Variants in EYS observed in about 807,000 individuals in gnomAD.
EYS encodes the protein EGF-like photoreceptor maintenance factor.
A neutral mutation model predicts 282.1 loss-of-function variants in EYS; 250 were observed. That is an observed-to-expected ratio of 0.89 (90% confidence interval 0.80 to 0.98). The LOEUF is 0.98. Among genes scored for constraint, EYS ranks in the 50% least tolerant of loss-of-function variants. The probability of loss-of-function intolerance (pLI) is 0.00; values close to 1 mark genes in which losing one functional copy is unlikely to be tolerated. For synonymous variants in EYS, 1,355 were observed against 1,282.9 expected (o/e 1.06, Z -1.20); for missense variants, 4,016 against 3,709.0 (o/e 1.08, Z -2.15).
chr6:65,408,767 G>A (rs575973801), intron 5 of EYS, among the ~76,000 whole-genome samples: 4 of 151,916 alleles, frequency 2.6e-5, no homozygotes, highest in African/African-American at 9.7e-5. Flanking sequence ...ATTTAATGTG[G>A]TTTTTTTCCA....
chr6:63,806,401 A>C (rs555891277), intron 36 of EYS, 29 bp from the exon 37 acceptor site: 1 of 1,499,018 alleles, frequency 6.7e-7, no homozygotes, highest in East Asian at 2.5e-5. Flanking sequence ...CAAACAGTTA[A>C]AATAAACCTG....
At chr6:64,268,874 G>C (rs1345475747) in intron 30 of EYS, among the ~76,000 whole-genome samples, 1 of 152,172 alleles carries the variant, frequency 6.6e-6, no homozygotes, top group Non-Finnish European at 1.5e-5. Flanking sequence ...CTTTGGAAGA[G>C]AGAATTGATA....
chr6:64,498,801 CT>C, intron 26 of EYS, among the ~76,000 whole-genome samples: 1 of 152,172 alleles, frequency 6.6e-6, no homozygotes, highest in Middle Eastern at 3.4e-3. Flanking sequence ...TAAACTCATC[CT>C]TTTTTATGGT....
At chr6:64,783,711 C>T (rs536422298) in intron 22 of EYS, among the ~76,000 whole-genome samples, 10 of 152,138 alleles carry the variant, frequency 6.6e-5, no homozygotes, top group African/African-American at 1.9e-4. Context: ...TTTTAAAATG[C>T]TATAATTTTT....
At chr6:64,818,925 C>T (rs978691870) in intron 21 of EYS, among the ~76,000 whole-genome samples, 6 of 152,182 alleles carry the variant, frequency 3.9e-5, no homozygotes, top group African/African-American at 1.4e-4. Context: ...TCAATATTAA[C>T]CATCACAGCA....
chr6:64,260,379 G>T (rs1474833), intron 30 of EYS, among the ~76,000 whole-genome samples: 2 of 151,828 alleles, frequency 1.3e-5, no homozygotes, highest in Non-Finnish European at 2.9e-5. Flanking sequence ...TCCCACAGGT[G>T]GATTTCATCC....
intron 12 of EYS, among the ~76,000 whole-genome samples, chr6:65,200,926 A>C (rs1274730152): frequency 6.6e-6 from 1 of 152,148 alleles, no homozygotes; most frequent in African/African-American, 2.4e-5. Flanking sequence ...GAGAATAAAA[A>C]TGTATTCTAA....
At chr6:64,815,364 A>T (rs1764716889) in intron 21 of EYS, 1 of 270,034 alleles carries the variant, frequency 3.7e-6, no homozygotes, top group African/African-American at 2.3e-5. Context: ...CTGTTTCTAG[A>T]TATGTATAGA....
At chr6:64,390,442 GCCT>G (rs1382240850) in intron 28 of EYS, among the ~76,000 whole-genome samples, 1 of 151,966 alleles carries the variant, frequency 6.6e-6, no homozygotes, top group Non-Finnish European at 1.5e-5. Flanking sequence ...CGGGCAGACT[GCCT>G]CCTCAAGTGG....
At chr6:64,909,184 A>T (rs1322404725) in intron 16 of EYS, among the ~76,000 whole-genome samples, 1 of 152,196 alleles carries the variant, frequency 6.6e-6, no homozygotes, top group Non-Finnish European at 1.5e-5. Flanking sequence ...TTGACACATC[A>T]TAGGAAATCA....
chr6:63,744,176 C>T (rs1582163471), intron 41 of EYS: 1 of 152,194 alleles, frequency 6.6e-6, no homozygotes, highest in South Asian at 2.1e-4. Context: ...CCATATCTTG[C>T]TTGTGTTCAA....
chr6:65,354,520 GAA>G (rs561201846), intron 8 of EYS, among the ~76,000 whole-genome samples: 1 of 147,686 alleles, frequency 6.8e-6, no homozygotes, highest in African/African-American at 2.5e-5. Context: ...TAAATGTGAG[GAA>G]AAAAAAAAAT....
intron 2 of EYS, among the ~76,000 whole-genome samples, chr6:65,553,166 A>C (rs1582447702): frequency 6.6e-6 from 1 of 152,154 alleles, no homozygotes; most frequent in East Asian, 1.9e-4. Context: ...TTCTATAGTG[A>C]TATCCTCCTA....
At chr6:64,092,705 C>T (rs1412392694) in intron 31 of EYS, among the ~76,000 whole-genome samples, 1 of 151,538 alleles carries the variant, frequency 6.6e-6, no homozygotes, top group East Asian at 1.9e-4. Flanking sequence ...TTGTAGGTTG[C>T]CTGTTCACTC....
chr6:65,179,193 G>A (rs1469739597), intron 12 of EYS, among the ~76,000 whole-genome samples: 2 of 151,754 alleles, frequency 1.3e-5, no homozygotes, highest in African/African-American at 4.8e-5. Flanking sequence ...CTAGCAGAAG[G>A]CAAGAAATAA....
At chr6:65,204,570 C>A (rs1765980807) in intron 12 of EYS, among the ~76,000 whole-genome samples, 1 of 151,876 alleles carries the variant, frequency 6.6e-6, no homozygotes, top group Admixed American at 6.6e-5. Context: ...AAGGACAATA[C>A]TCTCCATCAT....
chr6:64,764,614 A>G (rs1281643568), intron 22 of EYS, among the ~76,000 whole-genome samples: 1 of 152,218 alleles, frequency 6.6e-6, no homozygotes, highest in Non-Finnish European at 1.5e-5. Context: ...CATTTTGCCC[A>G]TCTTTACTTA....
intron 28 of EYS, among the ~76,000 whole-genome samples, chr6:64,422,363 T>C (rs1774264922): frequency 6.6e-6 from 1 of 152,114 alleles, no homozygotes; most frequent in Non-Finnish European, 1.5e-5. Context: ...CAAGGGCCTA[T>C]CCCTCTTGGA....
chr6:65,274,934 GAC>G (rs1554176240), intron 12 of EYS, among the ~76,000 whole-genome samples: 1 of 143,352 alleles, frequency 7.0e-6, no homozygotes, highest in African/African-American at 2.6e-5. Context: ...GAGAGAGAGA[GAC>G]AATACCTAGT....
Sources: gnomAD v4.1 joint callset for allele counts (sites outside exome capture counted in the v4.1 genomes callset) on GRCh38, gnomAD v4.1.1 for gene constraint, MANE v1.5 for transcripts, NCBI Gene and HGNC (gene_info 2026-07-23, HGNC 2026-07-21) for gene names.